DOK6: variants seen among roughly 807,000 people sequenced by gnomAD.
DOK6 encodes docking protein 6.
In DOK6, 22 loss-of-function variants were observed where a neutral mutation model predicts 44.0. The observed-to-expected ratio is 0.50, with a 90% confidence interval of 0.36 to 0.71. The LOEUF is 0.71. Ranked by LOEUF, DOK6 falls within the 30% of genes least tolerant of loss-of-function variation. DOK6 has a pLI of 0.00. For missense variants in DOK6, 340 were observed against 416.4 expected (o/e 0.82, Z 1.60); for synonymous variants, 166 against 145.5 (o/e 1.14, Z -1.01).
At chr18:69,475,577 C>T (rs1187112581) in intron 1 of DOK6, among the ~76,000 whole-genome samples, 1 of 152,174 alleles carries the variant, frequency 6.6e-6, no homozygotes, top group East Asian at 1.9e-4. Context: ...ATTTAGATGG[C>T]CCCGCCTCTA....
intron 1 of DOK6, among the ~76,000 whole-genome samples, chr18:69,466,331 A>G (rs553301045): frequency 2.9e-4 from 44 of 152,262 alleles, no homozygotes; most frequent in African/African-American, 1.0e-3. Context: ...TGATGTCACA[A>G]ATGTCAGGAT....
intron 1 of DOK6, 58 bp from the exon 2 acceptor site, chr18:69,564,429 C>T (rs1278864897): frequency 3.4e-6 from 5 of 1,475,390 alleles, no homozygotes; most frequent in East Asian, 2.3e-5. Flanking sequence ...GAATCAACTC[C>T]TAATGTCGTA....
chr18:69,679,226 A>G (rs541615813), intron 4 of DOK6, among the ~76,000 whole-genome samples: 1 of 152,282 alleles, frequency 6.6e-6, no homozygotes, highest in Non-Finnish European at 1.5e-5. Flanking sequence ...GTCATAAACT[A>G]AATAGCATAG....
chr18:69,424,399 A>T (rs1978579421), intron 1 of DOK6, among the ~76,000 whole-genome samples: 1 of 151,980 alleles, frequency 6.6e-6, no homozygotes, highest in South Asian at 2.1e-4. Flanking sequence ...TGACCAATAG[A>T]TTTTCTTAGT....
intron 1 of DOK6, among the ~76,000 whole-genome samples, chr18:69,448,481 C>T (rs899140709): frequency 1.3e-5 from 2 of 152,164 alleles, no homozygotes; most frequent in Non-Finnish European, 2.9e-5. Context: ...AAGTGATTCT[C>T]CTGCCTCATC....
Position 69,677,828 on chromosome 18 carries a change from C to G in DOK6, c.384C>G (p.Ala128=). Reference sequence around the variant, plus strand: ...GCCTTGGGGAGCCCGACCTTCTGGCCGCAGGAGTGCAGCGGGAACAGAATG... The same window carrying G: ...GCCTTGGGGAGCCCGACCTTCTGGCGGCAGGAGTGCAGCGGGAACAGAATG... ...DISLGEPDLL[A]AGVQREQNER... The change falls in exon 4 of 8, where the codon GCC becomes GCG. Residue 128 remains alanine, a synonymous_variant. Transcript: ENST00000382713. 6.2e-7 allele frequency: 1 copy of G among 1,613,656 alleles called. No homozygotes were observed. The highest frequency in any genetic ancestry group is 8.5e-7 in the Non-Finnish European group (1 of 1,179,758).
In DOK6 at chr18:69,500,442, G is replaced by A. The variant is rs114572707; in HGVS notation, c.67-64045G>A. 6.1e-3 allele frequency among the ~76,000 whole-genome samples: 921 copies of A among 152,100 alleles called. 13 individuals carry two copies. Among genetic ancestry groups the A allele is most frequent in the African/African-American group, 0.021 (875 of 41,496 alleles). On this transcript the variant is annotated intron_variant, in intron 1 of 7. Transcript: ENST00000382713. Reference sequence around the variant, plus strand: ...CACCTCTCCATTATACTGGCTCTCAGCTTCCTAACTTTACCTTCCATGTCC... The same window carrying A: ...CACCTCTCCATTATACTGGCTCTCAACTTCCTAACTTTACCTTCCATGTCC...
intron 7 of DOK6, among the ~76,000 whole-genome samples, chr18:69,824,054 A>T (rs78797496): frequency 0.029 from 2,431 of 83,810 alleles, 58 homozygotes; most frequent in African/African-American, 0.096. Context: ...CTTTTTTTTT[A>T]AAAATTATAC....
chr18:69,402,907 GAGT>G (rs1434363342), intron 1 of DOK6, among the ~76,000 whole-genome samples: 1 of 152,186 alleles, frequency 6.6e-6, no homozygotes, highest in African/African-American at 2.4e-5. Flanking sequence ...GGTTCTCCAG[GAGT>G]CTGGTTGTTC....
At chr18:69,667,699 C>T (rs1470985852) in intron 3 of DOK6, among the ~76,000 whole-genome samples, 1 of 152,148 alleles carries the variant, frequency 6.6e-6, no homozygotes. Context: ...TTTCTTCTTC[C>T]TTAAATGTCT....
intron 5 of DOK6, among the ~76,000 whole-genome samples, chr18:69,724,029 A>T (rs1978294909): frequency 6.6e-6 from 1 of 152,232 alleles, no homozygotes; most frequent in South Asian, 2.1e-4. Context: ...TTAATTGAAA[A>T]GAAACACAGG....
intron 1 of DOK6, among the ~76,000 whole-genome samples, chr18:69,468,199 T>C (rs1456771800): frequency 6.6e-6 from 1 of 152,178 alleles, no homozygotes; most frequent in Non-Finnish European, 1.5e-5. Flanking sequence ...TTATTTTCTT[T>C]GTATACTGTA....
At chr18:69,838,820 T>G (rs528509149) in intron 7 of DOK6, among the ~76,000 whole-genome samples, 1 of 121,370 alleles carries the variant, frequency 8.2e-6, no homozygotes, top group South Asian at 2.9e-4. Context: ...CTTCCCTAGC[T>G]GCTCCCCTAA....
intron 1 of DOK6, among the ~76,000 whole-genome samples, chr18:69,536,492 A>G (rs1982125945): frequency 6.6e-6 from 1 of 151,994 alleles, no homozygotes; most frequent in Non-Finnish European, 1.5e-5. Context: ...AATTCTGAAT[A>G]TCCATTTAGC....
At chr18:69,427,030 G>A (rs575175953) in intron 1 of DOK6, among the ~76,000 whole-genome samples, 2,690 of 151,812 alleles carry the variant, frequency 0.018, 73 homozygotes, top group African/African-American at 0.059. Context: ...AGTGTGTGTT[G>A]TTTCCCTCTA....
At chr18:69,475,012 T>C (rs1980221327) in intron 1 of DOK6, among the ~76,000 whole-genome samples, 1 of 152,150 alleles carries the variant, frequency 6.6e-6, no homozygotes, top group African/African-American at 2.4e-5. Context: ...TTGAACCAAA[T>C]AATTATTTCA....
At chr18:69,413,526 T>G (rs965771099) in intron 1 of DOK6, among the ~76,000 whole-genome samples, 2 of 152,116 alleles carry the variant, frequency 1.3e-5, no homozygotes, top group Admixed American at 6.6e-5. Flanking sequence ...GGAATGCCTT[T>G]TCAGCAAATG....
rs1982411778 is a variant in DOK6, at chr18:69,848,885, C to T, written c.*7502C>T. ...TTGAACAACTAAATTGATGGTTTTACCCACAAGTTATTTCATAAAGCTAAC... is the reference window on the plus strand; with the variant it reads ...TTGAACAACTAAATTGATGGTTTTATCCACAAGTTATTTCATAAAGCTAAC... On this transcript the variant is annotated 3_prime_UTR_variant, in exon 8 of 8. Transcript: ENST00000382713. The T allele has an allele frequency of 1.3e-5, 2 of 152,128 alleles. No homozygotes were observed. The highest frequency in any genetic ancestry group is 2.9e-5 in the Non-Finnish European group (2 of 68,010). The allele number at this position is 152,128 out of a possible 1,614,324, so 9.4% of individuals were successfully genotyped here. A position where few individuals can be genotyped will look rare whatever the true frequency, so the allele number is the denominator to read the frequency against.
chr18:69,674,668 G>A (rs556720587), intron 3 of DOK6, among the ~76,000 whole-genome samples: 8 of 151,776 alleles, frequency 5.3e-5, no homozygotes, highest in African/African-American at 1.7e-4. Context: ...TGATATACAC[G>A]CACGCTCACT....
Sources: gnomAD v4.1 joint callset for allele counts (sites outside exome capture counted in the v4.1 genomes callset) on GRCh38, gnomAD v4.1.1 for gene constraint, MANE v1.5 for transcripts, NCBI Gene and HGNC (gene_info 2026-07-23, HGNC 2026-07-21) for gene names.